CCDC88A: variants seen among roughly 807,000 people sequenced by gnomAD.
The protein encoded by CCDC88A is girdin.
A neutral mutation model predicts 234.3 loss-of-function variants in CCDC88A; 54 were observed. The observed-to-expected ratio is 0.23, with a 90% CI of 0.19 to 0.29. The LOEUF (loss-of-function observed/expected upper bound fraction) is 0.29. Among genes scored for constraint, CCDC88A ranks in the 10% least tolerant of loss-of-function variants. The pLI is 1.00. For synonymous variants in CCDC88A, 753 were observed against 737.8 expected (o/e 1.02, Z -0.33); for missense variants, 1,832 against 2,123.4 (o/e 0.86, Z 2.70).
chr2:55,298,189 T>C (rs1053606059), intron 29 of CCDC88A, among the ~76,000 whole-genome samples: 1 of 152,180 alleles, frequency 6.6e-6, no homozygotes, highest in Non-Finnish European at 1.5e-5. Context: ...CAACTTTCCA[T>C]TGTTTCCCAG....
In CCDC88A at chr2:55,308,979, G is replaced by C; in HGVS notation, c.4217C>G (p.Ser1406Cys). 1 of 1,613,940 alleles carries C rather than the reference G, an allele frequency of 6.2e-7. No homozygotes were observed. Residue 1406 changes from serine to cysteine, a missense_variant, in exon 25 of 33, where the codon TCT becomes TGT. Coordinates refer to ENST00000436346, the MANE Select transcript of CCDC88A (RefSeq NM_001365480.1). ...ITLKMRKLIK[S>C]KKDINRERQK... is the part of the protein sequence containing the mutation. ...GCGTTCCCGATTAATATCTTTCTTA[G>C]ACTTTATCAATTTTCTCATTTTTAG...
Position 55,313,892 on chromosome 2 carries a change from ACAT to A in CCDC88A, c.3934-1316_3934-1314del. The stretch of plus-strand genomic sequence containing the variant: ...CTGTATGTTGTTAAATTGAAACATA[ACAT>A]ATGTGGTAGATTCATTAAAAAACTG... On this transcript the variant is annotated intron_variant, in intron 22 of 32. Transcript: ENST00000436346. 2 of 152,296 alleles carry A rather than the reference ACAT, an allele frequency of 1.3e-5. 1 individual carries two copies. The allele number at this position is 152,296 out of a possible 1,614,324, so 9.4% of individuals were successfully genotyped here.
chr2:55,410,264 T>C (rs1489775161), intron 2 of CCDC88A, among the ~76,000 whole-genome samples: 4 of 152,162 alleles, frequency 2.6e-5, no homozygotes, highest in East Asian at 1.9e-4. Context: ...GTTCACAGCA[T>C]GTACAGGAGA....
At chr2:55,399,282 C>G (rs909079827) in intron 2 of CCDC88A, among the ~76,000 whole-genome samples, 3 of 151,690 alleles carry the variant, frequency 2.0e-5, no homozygotes, top group Admixed American at 6.6e-5. Context: ...GAGGCTCATG[C>G]CTGGGAGGTC....
intron 2 of CCDC88A, among the ~76,000 whole-genome samples, chr2:55,407,488 C>T (rs1444644745): frequency 6.6e-6 from 1 of 151,408 alleles, no homozygotes; most frequent in Non-Finnish European, 1.5e-5. Flanking sequence ...GCCTATAATC[C>T]CAGCTACTTG....
chr2:55,371,744 T>TC (rs1312998685), intron 5 of CCDC88A, among the ~76,000 whole-genome samples: 1 of 151,642 alleles, frequency 6.6e-6, no homozygotes, highest in African/African-American at 2.4e-5. Flanking sequence ...TCTTAGCCTC[T>TC]CAAAGTGTTG....
At chr2:55,395,146 T>TA (rs1574447321) in intron 2 of CCDC88A, among the ~76,000 whole-genome samples, 1 of 152,108 alleles carries the variant, frequency 6.6e-6, no homozygotes, top group African/African-American at 2.4e-5. Flanking sequence ...GTGCCCTGCC[T>TA]AAAAAATGTT....
intron 30 of CCDC88A, 41 bp downstream of exon 30, chr2:55,296,217 T>C (rs770975417): frequency 1.9e-6 from 3 of 1,566,346 alleles, no homozygotes; most frequent in African/African-American, 1.4e-5. Context: ...ATTTAACTTG[T>C]GGTGTTCATC....
Position 55,290,846 on chromosome 2 carries a change from G to C in CCDC88A, c.*354C>G, listed in dbSNP as rs1679392763. 1 of 152,468 alleles carries C rather than the reference G, an allele frequency of 6.6e-6. No individual in the cohort carries two copies. Among genetic ancestry groups the C allele is most frequent in the Non-Finnish European group, 1.5e-5 (1 of 67,944 alleles). The allele number at this position is 152,468 out of a possible 1,614,324, so 9.4% of individuals were successfully genotyped here. ...ATTCATAAAACAAATGATGAAAAAA[G>C]CAGATTGTTCTTGGAGTACTTCTTT... On this transcript the variant is annotated 3_prime_UTR_variant, in exon 33 of 33. Transcript: ENST00000436346.
At chr2:55,346,030 A>C in intron 10 of CCDC88A, 145 bp downstream of exon 10, 1 of 550,440 alleles carries the variant, frequency 1.8e-6, no homozygotes, top group East Asian at 3.1e-5. Context: ...GCAATATGCT[A>C]ATCTATCATA....
In CCDC88A at chr2:55,317,416, G is replaced by A. The variant is rs1448161656; in HGVS notation, c.3603-67C>T. ...AAGAAATTTTAGAAATGAAGGAAAT[G>A]AGTAATGAGTATCATTTAAAACACA... On this transcript the variant is annotated intron_variant, in intron 20 of 32. Transcript: ENST00000436346. This position sits in a 1 kb window ranked among gnomAD's most constrained non-coding sequence, Gnocchi z 4.2. 9 of 1,256,714 alleles carry A rather than the reference G, an allele frequency of 7.2e-6. No homozygotes were observed. The highest frequency in any genetic ancestry group is 4.5e-5 in the African/African-American group (3 of 66,100). The allele number at this position is 1,256,714 out of a possible 1,614,324, so 77.8% of individuals were successfully genotyped here.
In CCDC88A at chr2:55,309,101, A is replaced by G; in HGVS notation, c.4172+61T>C. On this transcript the variant is annotated intron_variant, in intron 24 of 32. Transcript: ENST00000436346. The surrounding 1 kb of genome is among the most constrained non-coding windows in gnomAD (Gnocchi z 5.1). ...TCACAAAAGTAGAAGTCATCACAAT[A>G]TTAGAAATAACCTAGTGTTTTTTTT... The G allele has an allele frequency of 6.9e-7, 1 of 1,442,742 alleles. No individual in the cohort carries two copies. Among genetic ancestry groups the G allele is most frequent in the South Asian group, 1.2e-5 (1 of 84,712 alleles). 89.4% of individuals were successfully genotyped at this position (1,442,742 alleles called of 1,614,324 possible).
chr2:55,306,403 TG>T (rs1232381146), intron 25 of CCDC88A, among the ~76,000 whole-genome samples: 2 of 152,124 alleles, frequency 1.3e-5, no homozygotes, highest in African/African-American at 4.8e-5. Flanking sequence ...TAATTTTATG[TG>T]GGGATATAGA....
At chr2:55,310,689 G>T (rs770899423) in intron 23 of CCDC88A, among the ~76,000 whole-genome samples, 38 of 152,226 alleles carry the variant, frequency 2.5e-4, no homozygotes, top group Non-Finnish European at 5.3e-4. Context: ...ACTAACTTGA[G>T]AGATTCTGTA....
intron 2 of CCDC88A, among the ~76,000 whole-genome samples, chr2:55,392,326 T>C (rs1676784853): frequency 6.6e-6 from 1 of 152,192 alleles, no homozygotes; most frequent in Admixed American, 6.5e-5. Flanking sequence ...TCCTTGATGA[T>C]TTTTAGGATT....
At chr2:55,296,134 A>G (rs1243482218) in intron 30 of CCDC88A, 78 bp from the exon 31 acceptor site, 4 of 1,338,088 alleles carry the variant, frequency 3.0e-6, no homozygotes, top group Non-Finnish European at 4.1e-6. Context: ...AGACTGTGCA[A>G]TATAAAATTG....
chr2:55,419,365 G>C lies in CCDC88A; in HGVS notation c.-286C>G. 2.5e-6 allele frequency: 1 copy of C among 401,614 alleles called. No individual in the cohort carries two copies. Among genetic ancestry groups the C allele is most frequent in the African/African-American group, 2.0e-5 (1 of 49,158 alleles). The allele number at this position is 401,614 out of a possible 1,614,324, so 24.9% of individuals were successfully genotyped here. A position where few individuals can be genotyped will look rare whatever the true frequency, so the allele number is the denominator to read the frequency against. On this transcript the variant is annotated 5_prime_UTR_variant, in exon 1 of 33. Transcript: ENST00000436346. ...CAGAGAAAAGGCATCTGGAGGAGGAGGAAGGGAAAGGGGGCTGGAACCCAA... is the reference window on the plus strand; with the variant it reads ...CAGAGAAAAGGCATCTGGAGGAGGACGAAGGGAAAGGGGGCTGGAACCCAA...
chr2:55,332,550 T>C lies in CCDC88A; in HGVS notation c.2855+16A>G. 2.5e-6 allele frequency: 4 copies of C among 1,589,630 alleles called. No homozygotes were observed. The highest frequency in any genetic ancestry group is 3.4e-6 in the Non-Finnish European group (4 of 1,171,356). On this transcript the variant is annotated intron_variant, in intron 16 of 32. Transcript: ENST00000436346. This position sits in a 1 kb window ranked among gnomAD's most constrained non-coding sequence, Gnocchi z 4.5. Reference sequence around the variant, plus strand: ...AAAAAATTTTCAACTGTTTGCCAAGTAGACTTAGTACTCACCTGTCATCAG... The same window carrying C: ...AAAAAATTTTCAACTGTTTGCCAAGCAGACTTAGTACTCACCTGTCATCAG...
intron 2 of CCDC88A, among the ~76,000 whole-genome samples, chr2:55,407,812 G>T (rs1326698601): frequency 6.7e-6 from 1 of 149,076 alleles, no homozygotes; most frequent in Non-Finnish European, 1.5e-5. Flanking sequence ...CCACCTCCCA[G>T]GTTCAAGGAA....
Sources: gnomAD v4.1 joint callset for allele counts (sites outside exome capture counted in the v4.1 genomes callset) on GRCh38, gnomAD v4.1.1 for gene constraint, Gnocchi (gnomAD v3.1) non-coding constraint, MANE v1.5 for transcripts, NCBI Gene and HGNC (gene_info 2026-07-23, HGNC 2026-07-21) for gene names.